Variants in DCBLD1 observed in about 807,000 individuals in gnomAD.
DCBLD1 encodes discoidin, CUB and LCCL domain-containing protein 1.
DCBLD1 carries 57 observed loss-of-function variants against 71.5 expected under a neutral mutation model. The observed-to-expected ratio is 0.80, with a 90% CI of 0.64 to 0.99. The LOEUF is 0.99. DCBLD1 is among the 50% of genes least tolerant of loss of function. DCBLD1 has a pLI of 0.00. For synonymous variants in DCBLD1, 380 were observed against 363.8 expected (o/e 1.04, Z -0.51); for missense variants, 891 against 923.5 (o/e 0.96, Z 0.46).
chr6:117,525,417 G>A lies in DCBLD1; in HGVS notation c.568G>A (p.Val190Ile), dbSNP rs370148191. The change falls in exon 5 of 15, where the codon GTA (valine) becomes ATA (isoleucine). Residue 190 changes from valine (V) to isoleucine (I), a missense_variant. Coordinates refer to ENST00000338728, the MANE Select transcript of DCBLD1 (RefSeq NM_001366458.2). ...AGCAGGAGACATTTCTGGGAATATG[G>A]TAGATGGATATAGAGATGTAAGTAA... ...DVAGDISGNM[V>I]DGYRDTSLLC... is the part of the protein sequence containing the mutation. The A allele has an allele frequency of 6.1e-5, 92 of 1,510,944 alleles. No individual in the cohort carries two copies. Among genetic ancestry groups the A allele is most frequent in the South Asian group, 4.0e-4 (28 of 70,090 alleles). 93.6% of individuals were successfully genotyped at this position (1,510,944 alleles called of 1,614,324 possible).
Position 117,548,124 on chromosome 6 carries a change from C to T in DCBLD1, c.1833C>T (p.Arg611=). ...ATPIVERHVL[R]AHTFSAQSGY... ...CCATCGTGGAGCGGCACGTGCTGCG[C>T]GCCCACACGTTCTCTGCGCAGAGCG... The change falls in exon 15 of 15, where the codon CGC becomes CGT. Residue 611 remains arginine (R), a synonymous_variant. Coordinates refer to ENST00000338728, the MANE Select transcript of DCBLD1 (RefSeq NM_001366458.2). 12 of 1,549,850 alleles carry T rather than the reference C, an allele frequency of 7.7e-6. No homozygotes were observed. The highest frequency in any genetic ancestry group is 1.0e-5 in the Non-Finnish European group (12 of 1,146,622).
chr6:117,543,682 C>A (rs1316009263), intron 12 of DCBLD1, among the ~76,000 whole-genome samples: 2 of 152,200 alleles, frequency 1.3e-5, no homozygotes, highest in African/African-American at 4.8e-5. Flanking sequence ...ATAAGCAGTT[C>A]TTGTCATTTA....
In DCBLD1 at chr6:117,540,930, T is replaced by C; in HGVS notation, c.1262T>C (p.Leu421Ser). 6.2e-7 allele frequency: 1 copy of C among 1,614,126 alleles called. No homozygotes were observed. The highest frequency in any genetic ancestry group is 8.5e-7 in the Non-Finnish European group (1 of 1,180,020). ...CCTCCTCTCTCAGGTAATGATTCATTGGTGTGGCGCAAGACAAGTCAAAGC... is the reference window on the plus strand; with the variant it reads ...CCTCCTCTCTCAGGTAATGATTCATCGGTGTGGCGCAAGACAAGTCAAAGC... ...GCQITQGNDS[L>S]VWRKTSQSTS... Residue 421 changes from leucine (L) to serine (S), a missense_variant, in exon 11 of 15, where the codon TTG (leucine) becomes TCG (serine). Coordinates refer to ENST00000338728, the MANE Select transcript of DCBLD1 (RefSeq NM_001366458.2).
Position 117,528,291 on chromosome 6 carries a change from G to A in DCBLD1, c.585+2857G>A, listed in dbSNP as rs138625639. On this transcript the variant is annotated intron_variant, in intron 5 of 14. Coordinates refer to ENST00000338728, the MANE Select transcript of DCBLD1 (RefSeq NM_001366458.2). Reference sequence around the variant, plus strand: ...AAAACATTATTGACATGGTAATTAGGAGGACTGTAACAGCACAGAAATAAT... The same window carrying A: ...AAAACATTATTGACATGGTAATTAGAAGGACTGTAACAGCACAGAAATAAT... Among the ~76,000 whole-genome samples the A allele has an allele frequency of 1.1e-3, 169 of 152,298 alleles. 3 individuals carry two copies. The East Asian group carries it at 0.03, about 27-fold the overall frequency.
intron 13 of DCBLD1, 86 bp downstream of exon 13, chr6:117,544,663 C>T (rs373218202): frequency 6.9e-7 from 1 of 1,453,364 alleles, no homozygotes; most frequent in Non-Finnish European, 9.5e-7. Flanking sequence ...AGGCCAGTGG[C>T]CCACATTTAT....
intron 6 of DCBLD1, among the ~76,000 whole-genome samples, chr6:117,533,924 A>G (rs12205852): frequency 0.12 from 17,664 of 152,226 alleles, 1,147 homozygotes; most frequent in Middle Eastern, 0.17. Context: ...AGATGTTCCA[A>G]CATAACTCTT....
At chr6:117,539,516 C>T in intron 9 of DCBLD1, 137 bp downstream of exon 9, 2 of 1,032,216 alleles carry the variant, frequency 1.9e-6, no homozygotes, top group South Asian at 3.8e-5. Flanking sequence ...CTGTAATCCC[C>T]AAGCTTTGGG....
intron 5 of DCBLD1, among the ~76,000 whole-genome samples, chr6:117,526,634 A>G (rs1778554876): frequency 6.6e-6 from 1 of 152,178 alleles, no homozygotes; most frequent in South Asian, 2.1e-4. Context: ...AGTGCTGGCA[A>G]ACAGGTTTCC....
chr6:117,483,369 A>T (rs996811807), intron 1 of DCBLD1, among the ~76,000 whole-genome samples: 1 of 152,096 alleles, frequency 6.6e-6, no homozygotes, highest in African/African-American at 2.4e-5. Flanking sequence ...TCCCGCGCGG[A>T]ATTGGAATCC....
At chr6:117,496,164 G>C (rs1018584802) in intron 1 of DCBLD1, among the ~76,000 whole-genome samples, 1 of 152,058 alleles carries the variant, frequency 6.6e-6, no homozygotes, top group African/African-American at 2.4e-5. Flanking sequence ...TTTTATATGT[G>C]GTGAGAATAA....
intron 14 of DCBLD1, chr6:117,563,419 C>A: frequency 6.2e-7 from 1 of 1,608,718 alleles, no homozygotes; most frequent in Non-Finnish European, 8.5e-7. Flanking sequence ...CAGACACTTT[C>A]TGGTTTAAAA....
chr6:117,528,798 C>T (rs769133089), intron 5 of DCBLD1, among the ~76,000 whole-genome samples: 26 of 152,102 alleles, frequency 1.7e-4, no homozygotes, highest in African/African-American at 5.6e-4. Context: ...CAGGGATAGC[C>T]GAACCTCTTA....
chr6:117,554,861 C>T (rs1162545249), intron 14 of DCBLD1, among the ~76,000 whole-genome samples: 1 of 150,496 alleles, frequency 6.6e-6, no homozygotes, highest in African/African-American at 2.5e-5. Context: ...TCACTGCACT[C>T]CAGCCTGGCA....
At chr6:117,537,398 G>A (rs561866356) in intron 7 of DCBLD1, among the ~76,000 whole-genome samples, 173 bp downstream of exon 7, 4 of 152,022 alleles carry the variant, frequency 2.6e-5, no homozygotes, top group Admixed American at 6.5e-5. Flanking sequence ...GCCGGGCCTG[G>A]TGGGGGGCGC....
intron 2 of DCBLD1, among the ~76,000 whole-genome samples, chr6:117,513,333 A>G (rs938742864): frequency 6.6e-6 from 1 of 151,740 alleles, no homozygotes; most frequent in Non-Finnish European, 1.5e-5. Flanking sequence ...AAAGAAGGCA[A>G]CTCCTACAGT....
At chr6:117,503,079 T>C (rs1040034447) in intron 1 of DCBLD1, among the ~76,000 whole-genome samples, 1 of 152,238 alleles carries the variant, frequency 6.6e-6, no homozygotes, top group Non-Finnish European at 1.5e-5. Flanking sequence ...GCCATTTTAC[T>C]CTGAGTTCTA....
chr6:117,543,400 T>G (rs186611535), intron 12 of DCBLD1, among the ~76,000 whole-genome samples, 189 bp downstream of exon 12: 108 of 152,346 alleles, frequency 7.1e-4, no homozygotes, highest in Non-Finnish European at 3.5e-4. Context: ...ATTAATCTTT[T>G]TTTATAGACA....
At chr6:117,483,398 C>T (rs1382132088) in intron 1 of DCBLD1, among the ~76,000 whole-genome samples, 1 of 152,196 alleles carries the variant, frequency 6.6e-6, no homozygotes, top group African/African-American at 2.4e-5. Context: ...GCGTTCGGGG[C>T]TCGTGCGGAA....
intron 14 of DCBLD1, among the ~76,000 whole-genome samples, chr6:117,558,801 T>G (rs1397811280): frequency 6.6e-6 from 1 of 152,186 alleles, no homozygotes; most frequent in African/African-American, 2.4e-5. Flanking sequence ...ACCCTCTGCC[T>G]AGCATGTACC....
Sources: allele counts gnomAD v4.1 joint callset (sites outside exome capture counted in the v4.1 genomes callset), GRCh38; gene constraint gnomAD v4.1.1; transcripts MANE v1.5; gene names NCBI Gene and HGNC (gene_info 2026-07-23, HGNC 2026-07-21).